Variants in DLG2 observed in about 807,000 individuals in gnomAD.
The protein encoded by DLG2 is discs large MAGUK scaffold protein 2.
DLG2 carries 45 observed loss-of-function variants against 132.5 expected under a neutral mutation model. The observed-to-expected ratio is 0.34, with a 90% confidence interval of 0.27 to 0.44. The LOEUF (loss-of-function observed/expected upper bound fraction) is 0.44, where lower values mean the gene tolerates loss of function less well. DLG2 is among the 20% of genes least tolerant of loss of function. The probability of loss-of-function intolerance (pLI) is 1.00; values close to 1 mark genes in which losing one functional copy is unlikely to be tolerated. For synonymous variants in DLG2, 424 were observed against 419.6 expected, an observed-to-expected ratio of 1.01 and a Z score of -0.13; for missense variants, 1,045 against 1,196.9, an observed-to-expected ratio of 0.87 and a Z score of 1.87.
intron 3 of DLG2, among the ~76,000 whole-genome samples, chr11:85,518,365 G>C (rs1470201924): frequency 6.6e-6 from 1 of 152,190 alleles, no homozygotes; most frequent in Non-Finnish European, 1.5e-5. Flanking sequence ...AACTTGTTGG[G>C]AACTGGAGCA....
At chr11:84,481,272 A>G (rs1282638388) in intron 7 of DLG2, among the ~76,000 whole-genome samples, 1 of 152,060 alleles carries the variant, frequency 6.6e-6, no homozygotes, top group Non-Finnish European at 1.5e-5. Flanking sequence ...TTCAAACACC[A>G]TATCATGTTT....
intron 6 of DLG2, among the ~76,000 whole-genome samples, chr11:84,654,339 T>C (rs1290451195): frequency 6.6e-6 from 1 of 152,176 alleles, no homozygotes; most frequent in Non-Finnish European, 1.5e-5. Flanking sequence ...TACCTTTAAA[T>C]GCCCTACATC....
intron 18 of DLG2, among the ~76,000 whole-genome samples, chr11:83,661,252 G>C (rs960122654): frequency 6.6e-6 from 1 of 152,058 alleles, no homozygotes; most frequent in Non-Finnish European, 1.5e-5. Context: ...AACCTCTCTT[G>C]TGCTTAAATT....
In DLG2 at chr11:84,295,116, G is replaced by A. The variant is rs2098071472; in HGVS notation, c.520-43825C>T. Among the ~76,000 whole-genome samples, 3 of 152,210 alleles carry A rather than the reference G, an allele frequency of 2.0e-5. No individual in the cohort carries two copies. In the South Asian group the frequency reaches 6.2e-4, roughly 32 times the overall value. On this transcript the variant is annotated intron_variant, in intron 7 of 27. Coordinates refer to ENST00000376104, the MANE Select transcript of DLG2 (RefSeq NM_001142699.3). ...ACGAATGCAGGCTTGCATAAAATTA[G>A]TATGAAAGCAGTGACTCTTTGGACT...
chr11:85,128,973 T>A (rs776599620), intron 5 of DLG2, among the ~76,000 whole-genome samples: 26 of 152,202 alleles, frequency 1.7e-4, no homozygotes, highest in Non-Finnish European at 2.6e-4. Context: ...AGGTAATATA[T>A]CCTTTTCGAA....
intron 19 of DLG2, among the ~76,000 whole-genome samples, chr11:83,592,115 C>T (rs1207349277): frequency 6.7e-6 from 1 of 150,184 alleles, no homozygotes; most frequent in Non-Finnish European, 1.5e-5. Flanking sequence ...CTACCAATGA[C>T]TTTCTTCACA....
chr11:84,503,191 T>G (rs189107220), intron 7 of DLG2, among the ~76,000 whole-genome samples: 1 of 152,298 alleles, frequency 6.6e-6, no homozygotes, highest in Non-Finnish European at 1.5e-5. Flanking sequence ...TTTGCATTGG[T>G]CTCTTTTGGT....
chr11:85,370,894 T>C (rs2084925363), intron 3 of DLG2, among the ~76,000 whole-genome samples: 1 of 152,238 alleles, frequency 6.6e-6, no homozygotes, highest in South Asian at 2.1e-4. Context: ...CTAATATATG[T>C]TCCAGAATTG....
chr11:84,084,432 A>C (rs1250019343), intron 10 of DLG2, among the ~76,000 whole-genome samples: 1 of 152,156 alleles, frequency 6.6e-6, no homozygotes, highest in African/African-American at 2.4e-5. Flanking sequence ...TTTGTGAATA[A>C]AGGTTGCCTG....
At chr11:84,574,789 C>G (rs1393684119) in intron 6 of DLG2, among the ~76,000 whole-genome samples, 1 of 152,162 alleles carries the variant, frequency 6.6e-6, no homozygotes, top group Non-Finnish European at 1.5e-5. Context: ...GGTGCTCTTG[C>G]TCCTTTGTTG....
At chr11:85,299,757 T>TTC (rs2079469665) in intron 3 of DLG2, among the ~76,000 whole-genome samples, 1 of 152,180 alleles carries the variant, frequency 6.6e-6, no homozygotes, top group Non-Finnish European at 1.5e-5. Flanking sequence ...TAGTCTAGGG[T>TTC]AGGGCCTAGA....
At chr11:85,023,900 G>A (rs968933050) in intron 6 of DLG2, among the ~76,000 whole-genome samples, 12 of 152,060 alleles carry the variant, frequency 7.9e-5, no homozygotes, top group African/African-American at 2.7e-4. Context: ...TGAAGTTTAT[G>A]GAGTTTAGAT....
intron 7 of DLG2, among the ~76,000 whole-genome samples, chr11:84,322,624 C>A (rs1290308437): frequency 6.8e-6 from 1 of 147,180 alleles, no homozygotes; most frequent in African/African-American, 2.5e-5. Context: ...CAGTCTTATT[C>A]TGTTGCCCAG....
intron 3 of DLG2, among the ~76,000 whole-genome samples, chr11:85,517,689 C>T (rs1314038875): frequency 1.3e-5 from 2 of 151,958 alleles, no homozygotes; most frequent in Non-Finnish European, 2.9e-5. Context: ...AGCTCGCTCA[C>T]TGCAGTCTTG....
At chr11:83,478,550 T>C (rs777435183) in intron 22 of DLG2, among the ~76,000 whole-genome samples, 1 of 152,054 alleles carries the variant, frequency 6.6e-6, no homozygotes, top group Non-Finnish European at 1.5e-5. Context: ...TAGTTGAAAG[T>C]CTTGGGCCAG....
intron 3 of DLG2, among the ~76,000 whole-genome samples, chr11:85,330,860 GC>G (rs1452606204): frequency 6.7e-6 from 1 of 148,984 alleles, no homozygotes; most frequent in Admixed American, 6.7e-5. Context: ...TCCAGAGTCT[GC>G]TCAAATTCTC....
chr11:84,234,472 G>C (rs1467434577), intron 8 of DLG2, among the ~76,000 whole-genome samples: 3 of 152,180 alleles, frequency 2.0e-5, no homozygotes, highest in Non-Finnish European at 4.4e-5. Flanking sequence ...TTCACCCCAT[G>C]TGTCCCAGAT....
intron 7 of DLG2, among the ~76,000 whole-genome samples, chr11:84,480,216 G>C (rs922550420): frequency 1.3e-5 from 2 of 152,010 alleles, no homozygotes; most frequent in African/African-American, 4.8e-5. Context: ...AAATCTTTAA[G>C]TTGTTTCCTT....
At chr11:84,484,251 TA>T (rs1224935631) in intron 7 of DLG2, among the ~76,000 whole-genome samples, 1 of 152,192 alleles carries the variant, frequency 6.6e-6, no homozygotes, top group Non-Finnish European at 1.5e-5. Flanking sequence ...TGGATGATTG[TA>T]AAAGCTAGTG....
Sources: allele counts gnomAD v4.1 joint callset (sites outside exome capture counted in the v4.1 genomes callset), GRCh38; gene constraint gnomAD v4.1.1; transcripts MANE v1.5; gene names NCBI Gene and HGNC (gene_info 2026-07-23, HGNC 2026-07-21).